Variants in SCMH1 observed in about 807,000 individuals in gnomAD.
SCMH1 encodes the protein polycomb protein SCMH1.
SCMH1 carries 37 observed loss-of-function variants against 70.8 expected under a neutral mutation model. The ratio of observed to expected loss-of-function variants is 0.52; its 90% CI spans 0.40 to 0.69. The LOEUF (loss-of-function observed/expected upper bound fraction) is 0.69, where lower values mean the gene tolerates loss of function less well. Among genes scored for constraint, SCMH1 ranks in the 30% least tolerant of loss-of-function variants. The pLI is 0.00. For synonymous variants in SCMH1, 292 were observed against 307.4 expected (o/e 0.95, Z 0.52); for missense variants, 607 against 827.3 (o/e 0.73, Z 3.27).
chr1:41,220,057 T>C (rs954663757), intron 1 of SCMH1, among the ~76,000 whole-genome samples: 1 of 152,250 alleles, frequency 6.6e-6, no homozygotes, highest in African/African-American at 2.4e-5. Context: ...ATCTGTAGAA[T>C]TGGGCTTTTC....
chr1:41,154,613 A>G (rs1339454671), intron 4 of SCMH1, among the ~76,000 whole-genome samples: 1 of 152,184 alleles, frequency 6.6e-6, no homozygotes, highest in Non-Finnish European at 1.5e-5. Flanking sequence ...AACATAACAC[A>G]AATAATCTGT....
At chr1:41,211,591 T>C (rs991123261) in intron 1 of SCMH1, among the ~76,000 whole-genome samples, 1 of 152,188 alleles carries the variant, frequency 6.6e-6, no homozygotes, top group African/African-American at 2.4e-5. Flanking sequence ...GTTCAACCAC[T>C]GTGGAAGACA....
chr1:41,134,068 C>A (rs1642850628), intron 6 of SCMH1, among the ~76,000 whole-genome samples: 1 of 152,148 alleles, frequency 6.6e-6, no homozygotes, highest in Non-Finnish European at 1.5e-5. Flanking sequence ...AGCAGCACAT[C>A]AAAAAGCGTA....
At chr1:41,219,996 A>G (rs1402712738) in intron 1 of SCMH1, among the ~76,000 whole-genome samples, 6 of 152,062 alleles carry the variant, frequency 3.9e-5, no homozygotes, top group African/African-American at 1.4e-4. Context: ...TTTGACTTTC[A>G]TATAACCACT....
chr1:41,157,960 C>T (rs1645692108), intron 4 of SCMH1, among the ~76,000 whole-genome samples: 1 of 152,146 alleles, frequency 6.6e-6, no homozygotes, highest in African/African-American at 2.4e-5. Context: ...ATATGAGTTT[C>T]TGAGTGAATG....
chr1:41,096,088 T>A (rs1284459411), intron 8 of SCMH1, among the ~76,000 whole-genome samples: 4 of 151,068 alleles, frequency 2.6e-5, no homozygotes, highest in Non-Finnish European at 3.0e-5. Flanking sequence ...GCAAAAGAGG[T>A]TAGGAAGGTA....
intron 8 of SCMH1, among the ~76,000 whole-genome samples, chr1:41,093,859 C>T (rs546071605): frequency 6.6e-6 from 1 of 152,166 alleles, no homozygotes; most frequent in Admixed American, 6.5e-5. Flanking sequence ...CATTTGAAAG[C>T]TTGAATTTTA....
chr1:41,090,480 G>C (rs1663091335), intron 8 of SCMH1, among the ~76,000 whole-genome samples: 1 of 151,462 alleles, frequency 6.6e-6, no homozygotes, highest in Admixed American at 6.6e-5. Context: ...AAAGGGAGGA[G>C]TACTGAAATA....
At position 41,049,320 on chromosome 1, in the gene SCMH1, G is replaced by GTGTGTGTC. The variant is rs1647201601; in HGVS notation, c.1106-431_1106-430insGACACACA. ...TATTAGCAAGGGCATATGTGTGTGT[G>GTGTGTGTC]TGTGTGTGTGTATGTATGTCATTGG... On this transcript the variant is annotated intron_variant, in intron 10 of 14. Coordinates refer to ENST00000337495, the Ensembl canonical transcript of SCMH1. Among the ~76,000 whole-genome samples the GTGTGTGTC allele has an allele frequency of 1.3e-5, 2 of 151,686 alleles. 1 individual carries two copies. The highest frequency in any genetic ancestry group is 4.2e-4 in the South Asian group (2 of 4,810).
At chr1:41,084,247 C>G (rs1363584647) in intron 8 of SCMH1, among the ~76,000 whole-genome samples, 1 of 152,204 alleles carries the variant, frequency 6.6e-6, no homozygotes, top group Non-Finnish European at 1.5e-5. Flanking sequence ...GGCTAATATT[C>G]AGAATCTACA....
At chr1:41,032,462 G>GA in intron 13 of SCMH1, among the ~76,000 whole-genome samples, 1 of 152,318 alleles carries the variant, frequency 6.6e-6, no homozygotes, top group South Asian at 2.1e-4. Flanking sequence ...AAAGTGGTGT[G>GA]AAATAACACT....
intron 1 of SCMH1, among the ~76,000 whole-genome samples, chr1:41,213,275 G>A (rs1657424017): frequency 6.6e-6 from 1 of 152,154 alleles, no homozygotes; most frequent in Non-Finnish European, 1.5e-5. Flanking sequence ...ATAGATATGT[G>A]ATATTTACAA....
chr1:41,171,252 C>A (rs61781832), intron 2 of SCMH1, among the ~76,000 whole-genome samples: 22,754 of 152,138 alleles, frequency 0.15, 2,207 homozygotes, highest in Non-Finnish European at 0.21. Context: ...ATGGAAGGGA[C>A]AGCATTTTGT....
intron 2 of SCMH1, among the ~76,000 whole-genome samples, chr1:41,172,490 G>A (rs1646853556): frequency 6.6e-6 from 1 of 151,956 alleles, no homozygotes; most frequent in Non-Finnish European, 1.5e-5. Flanking sequence ...GCTTAATATT[G>A]TTAAAATGAC....
intron 10 of SCMH1, among the ~76,000 whole-genome samples, chr1:41,050,053 A>T (rs1395115104): frequency 1.4e-5 from 2 of 143,328 alleles, no homozygotes; most frequent in Non-Finnish European, 1.5e-5. Context: ...CTCCGTCTTT[A>T]AAAAAAAAAA....
intron 13 of SCMH1, among the ~76,000 whole-genome samples, chr1:41,029,414 G>A (rs1012444281): frequency 1.3e-5 from 2 of 152,164 alleles, no homozygotes; most frequent in African/African-American, 2.4e-5. Context: ...TGGCCTGGCT[G>A]GTCTTGAATT....
chr1:41,030,797 G>A (rs1243971731), intron 13 of SCMH1, among the ~76,000 whole-genome samples: 1 of 152,152 alleles, frequency 6.6e-6, no homozygotes, highest in Non-Finnish European at 1.5e-5. Flanking sequence ...ACACATAAAA[G>A]AGTGCCTGGT....
intron 2 of SCMH1, among the ~76,000 whole-genome samples, chr1:41,181,751 G>T (rs1648833662): frequency 6.6e-6 from 1 of 152,166 alleles, no homozygotes; most frequent in Non-Finnish European, 1.5e-5. Flanking sequence ...ACTGTTGGTG[G>T]GACTGTAAAC....
At chr1:41,064,180 G>C (rs1372503715) in intron 10 of SCMH1, among the ~76,000 whole-genome samples, 7 of 152,110 alleles carry the variant, frequency 4.6e-5, no homozygotes, top group African/African-American at 1.7e-4. Context: ...AAAAGGATGT[G>C]ACAATATCCA....
Sources: gnomAD v4.1 joint callset for allele counts (sites outside exome capture counted in the v4.1 genomes callset) on GRCh38, gnomAD v4.1.1 for gene constraint, MANE v1.5 for transcripts, NCBI Gene and HGNC (gene_info 2026-07-23, HGNC 2026-07-21) for gene names.